The following EPN2 variants were observed in gnomAD, a reference collection of about 807,000 sequenced individuals.
EPN2 encodes epsin 2.
A neutral mutation model predicts 61.7 loss-of-function variants in EPN2; 34 were observed. That is an observed-to-expected ratio of 0.55 (90% CI 0.42 to 0.73). The LOEUF (loss-of-function observed/expected upper bound fraction) is 0.73, where lower values mean the gene tolerates loss of function less well. EPN2 is among the 30% of genes least tolerant of loss of function. The probability of loss-of-function intolerance (pLI) is 0.00; values close to 1 mark genes in which losing one functional copy is unlikely to be tolerated. For missense variants in EPN2, 714 were observed against 839.2 expected (o/e 0.85, Z 1.84); for synonymous variants, 349 against 353.6 (o/e 0.99, Z 0.15).
At chr17:19,253,591 A>G (rs117342032) in intron 1 of EPN2, among the ~76,000 whole-genome samples, 6,072 of 151,668 alleles carry the variant, frequency 0.04, 522 homozygotes, top group East Asian at 0.27. Context: ...TGTAGAGACA[A>G]TGTTTCAGTG....
intron 4 of EPN2, among the ~76,000 whole-genome samples, chr17:19,293,493 C>T (rs1179722471): frequency 6.7e-6 from 1 of 150,348 alleles, no homozygotes; most frequent in Non-Finnish European, 1.5e-5. Context: ...ACCTTAACCT[C>T]CTGGGTTGCT....
At chr17:19,270,207 G>A (rs1270713702) in intron 1 of EPN2, among the ~76,000 whole-genome samples, 1 of 152,216 alleles carries the variant, frequency 6.6e-6, no homozygotes, top group Admixed American at 6.5e-5. Context: ...CATGTGACCT[G>A]CTCAGTTAGT....
intron 1 of EPN2, among the ~76,000 whole-genome samples, chr17:19,247,820 G>A (rs1222830015): frequency 6.6e-6 from 1 of 152,220 alleles, no homozygotes; most frequent in East Asian, 1.9e-4. Context: ...TGGCTAGATA[G>A]CAGTTCTAGA....
chr17:19,239,751 G>C (rs2044862886), intron 1 of EPN2, among the ~76,000 whole-genome samples: 1 of 152,220 alleles, frequency 6.6e-6, no homozygotes, highest in Non-Finnish European at 1.5e-5. Context: ...TGGCCAGATG[G>C]AGAGCTCTGT....
At chr17:19,332,729 G>A (rs1907221132) in intron 10 of EPN2, among the ~76,000 whole-genome samples, 1 of 152,156 alleles carries the variant, frequency 6.6e-6, no homozygotes, top group African/African-American at 2.4e-5. Context: ...TGCCTGGAAT[G>A]TCCTCCCTCC....
chr17:19,331,024 CTT>C (rs1336752586), intron 9 of EPN2, among the ~76,000 whole-genome samples: 2 of 152,098 alleles, frequency 1.3e-5, no homozygotes, highest in Non-Finnish European at 2.9e-5. Flanking sequence ...TGTTTTGAGT[CTT>C]TTTTGCTCAG....
intron 1 of EPN2, among the ~76,000 whole-genome samples, 154 bp downstream of exon 1, chr17:19,237,685 G>T (rs1251897246): frequency 1.3e-5 from 2 of 151,950 alleles, no homozygotes; most frequent in African/African-American, 4.8e-5. Flanking sequence ...TGGTCCCTAC[G>T]CCAGGCTCTG....
rs72338416 is a variant in EPN2, at chr17:19,300,427, C to CTTTTT, written c.767-9443_767-9439dup. Among the ~76,000 whole-genome samples the CTTTTT allele has an allele frequency of 3.1e-4, 34 of 108,926 alleles. 1 individual carries two copies. Among genetic ancestry groups the CTTTTT allele is most frequent in the East Asian group, 9.2e-4 (3 of 3,248 alleles). The allele number at this position is 108,926 out of a possible 152,430, so 71.5% of individuals were successfully genotyped here. On this transcript the variant is annotated intron_variant, in intron 4 of 10. Coordinates refer to ENST00000314728, the MANE Select transcript of EPN2 (RefSeq NM_014964.5). ...TACATAAAAACAATAAACTGTAAAT[C>CTTTTT]TTTTTTTTTTTTTTTTTTTGGAGAC...
intron 1 of EPN2, among the ~76,000 whole-genome samples, chr17:19,249,952 G>A (rs1052759232): frequency 1.3e-5 from 2 of 151,396 alleles, no homozygotes; most frequent in African/African-American, 4.9e-5. Context: ...AGCCAGCTGC[G>A]GTTTTCCACT....
intron 1 of EPN2, among the ~76,000 whole-genome samples, chr17:19,246,522 A>G (rs7225740): frequency 0.033 from 4,962 of 152,172 alleles, 345 homozygotes; most frequent in South Asian, 0.2. Flanking sequence ...CAGCTCCCCA[A>G]CCAAGGAATG....
At position 19,285,881 on chromosome 17, in the gene EPN2, C is replaced by G. The variant is rs532631074; in HGVS notation, c.766+91C>G. The G allele has an allele frequency of 9.6e-5, 137 of 1,426,588 alleles. No individual in the cohort carries two copies. The South Asian group carries it at 1.9e-3, about 20-fold the overall frequency. The allele number at this position is 1,426,588 out of a possible 1,614,324, so 88.4% of individuals were successfully genotyped here. On this transcript the variant is annotated intron_variant, in intron 4 of 10. Transcript: ENST00000314728. The surrounding 1 kb of genome is among the most constrained non-coding windows in gnomAD (Gnocchi z 4.5). The stretch of plus-strand genomic sequence containing the variant: ...CATGCCAGTACAGCCAACTCTCTCC[C>G]TGTCTCCTCTGGGCCTGGGGGTTTG...
chr17:19,333,554 T>C (rs987503769), intron 10 of EPN2, among the ~76,000 whole-genome samples: 1 of 152,190 alleles, frequency 6.6e-6, no homozygotes, highest in African/African-American at 2.4e-5. Context: ...GGGTGCATTG[T>C]GGGCACTGCC....
intron 1 of EPN2, among the ~76,000 whole-genome samples, chr17:19,259,804 G>C (rs910887697): frequency 6.6e-6 from 1 of 152,216 alleles, no homozygotes; most frequent in Non-Finnish European, 1.5e-5. Context: ...GCGACCCCTC[G>C]CTCCTAAATG....
intron 7 of EPN2, among the ~76,000 whole-genome samples, chr17:19,321,171 A>G (rs959132006): frequency 2.6e-5 from 4 of 152,096 alleles, no homozygotes; most frequent in South Asian, 2.1e-4. Flanking sequence ...TGCCCCACAT[A>G]CAGTATGTCA....
At chr17:19,296,550 T>A (rs1037961676) in intron 4 of EPN2, 7 of 152,182 alleles carry the variant, frequency 4.6e-5, no homozygotes, top group African/African-American at 1.7e-4. Context: ...AAAAAATCCT[T>A]CAATCTTAAC....
chr17:19,295,894 C>A (rs2045515137), intron 4 of EPN2, among the ~76,000 whole-genome samples: 1 of 152,172 alleles, frequency 6.6e-6, no homozygotes, highest in African/African-American at 2.4e-5. Flanking sequence ...TTGAAGGGCT[C>A]TTCCTCCCCT....
At chr17:19,257,847 T>C (rs559403812) in intron 1 of EPN2, 2 of 152,322 alleles carry the variant, frequency 1.3e-5, no homozygotes, top group Non-Finnish European at 2.9e-5. Flanking sequence ...AAATTGTGTT[T>C]GTTTAGTCCT....
Position 19,312,071 on chromosome 17 carries a change from G to A in EPN2, c.899G>A (p.Gly300Asp), listed in dbSNP as rs773633651. The change falls in exon 6 of 11, where the codon GGT becomes GAT. Residue 300 changes from glycine (G) to aspartate (D), a missense_variant. Coordinates refer to ENST00000314728, the MANE Select transcript of EPN2 (RefSeq NM_014964.5). ...VAEQEERLRR[G>D]DDLRLQMALE... is the part of the protein sequence containing the mutation. Reference sequence around the variant, plus strand: ...CTACAGGAAGAACGCCTCAGGCGGGGTGATGACCTCAGATTACAGATGGCC... The same window carrying A: ...CTACAGGAAGAACGCCTCAGGCGGGATGATGACCTCAGATTACAGATGGCC... 2 of 1,613,938 alleles carry A rather than the reference G, an allele frequency of 1.2e-6. No homozygotes were observed. Among genetic ancestry groups the A allele is most frequent in the African/African-American group, 1.3e-5 (1 of 75,042 alleles).
rs1555598436 is a variant in EPN2 at position 19,276,773 on chromosome 17, G to GTTTTGTTTTTTTTT, written c.-293-5178_-293-5177insGTTTTTTTTTTTTT. Among the ~76,000 whole-genome samples the GTTTTGTTTTTTTTT allele has an allele frequency of 5.0e-5, 6 of 119,328 alleles. No homozygotes were observed. The East Asian group carries it at 1.2e-3, about 24-fold the overall frequency. The allele number at this position is 119,328 out of a possible 152,430, so 78.3% of individuals were successfully genotyped here. A position where few individuals can be genotyped will look rare whatever the true frequency, so the allele number is the denominator to read the frequency against. The stretch of plus-strand genomic sequence containing the variant: ...GTCAGTATGTAATTTATGAGAATAA[G>GTTTTGTTTTTTTTT]TTTTTTTTTTTTTTTTTTGCTGTAT... On this transcript the variant is annotated intron_variant, in intron 1 of 10. Coordinates refer to ENST00000314728, the MANE Select transcript of EPN2 (RefSeq NM_014964.5).
Sources: gnomAD v4.1 joint callset for allele counts (sites outside exome capture counted in the v4.1 genomes callset) on GRCh38, gnomAD v4.1.1 for gene constraint, Gnocchi (gnomAD v3.1) non-coding constraint, MANE v1.5 for transcripts, NCBI Gene and HGNC (gene_info 2026-07-23, HGNC 2026-07-21) for gene names.